Variants in DHRSX observed in about 807,000 individuals in gnomAD.
DHRSX encodes polyprenol dehydrogenase.
DHRSX carries 31 observed loss-of-function variants against 34.0 expected under a neutral mutation model. The observed-to-expected ratio is 0.91, with a 90% CI of 0.69 to 1.23. DHRSX has a LOEUF of 1.23. Ranked by LOEUF, DHRSX falls within the 50% of genes most tolerant of loss-of-function variation. The probability of loss-of-function intolerance (pLI) is 0.00; values close to 1 mark genes in which losing one functional copy is unlikely to be tolerated. For missense variants in DHRSX, 414 were observed against 428.1 expected, an observed-to-expected ratio of 0.97 and a Z score of 0.29; for synonymous variants, 201 against 183.8, an observed-to-expected ratio of 1.09 and a Z score of -0.76.
At chrX:2,350,717 CT>C (rs1181071911) in intron 3 of DHRSX, among the ~76,000 whole-genome samples, 1 of 152,128 alleles carries the variant, frequency 6.6e-6, no homozygotes, top group African/African-American at 2.4e-5. Flanking sequence ...ACATGTAACA[CT>C]TTGTCAAGAG....
intron 3 of DHRSX, among the ~76,000 whole-genome samples, chrX:2,301,239 C>T (rs2042005251): frequency 6.6e-6 from 1 of 152,210 alleles, no homozygotes; most frequent in South Asian, 2.1e-4. Flanking sequence ...ATGGCAAAAC[C>T]CTGTCTCTAC....
chrX:2,226,154 C>T (rs2015655759), intron 6 of DHRSX, among the ~76,000 whole-genome samples: 1 of 152,128 alleles, frequency 6.6e-6, no homozygotes, highest in South Asian at 2.1e-4. Context: ...GAGACCAAGC[C>T]CAGGTGACTT....
chrX:2,466,508 T>C (rs1410980559), intron 1 of DHRSX, among the ~76,000 whole-genome samples: 1 of 152,088 alleles, frequency 6.6e-6, no homozygotes, highest in Non-Finnish European at 1.5e-5. Context: ...GTGGAGGCCA[T>C]TATCCTTAGC....
At chrX:2,426,738 TTTCC>T (rs946373836) in intron 1 of DHRSX, among the ~76,000 whole-genome samples, 45 of 148,110 alleles carry the variant, frequency 3.0e-4, no homozygotes, top group African/African-American at 1.1e-3. Flanking sequence ...TCTCTCACTT[TTTCC>T]TTCCTTCCTT....
At chrX:2,399,093 A>G (rs774703625) in intron 3 of DHRSX, among the ~76,000 whole-genome samples, 2 of 150,670 alleles carry the variant, frequency 1.3e-5, no homozygotes, top group Non-Finnish European at 2.9e-5. Flanking sequence ...TGATCTCGTG[A>G]TCTGCCCGCC....
intron 3 of DHRSX, among the ~76,000 whole-genome samples, chrX:2,336,806 G>A (rs2042572108): frequency 6.6e-6 from 1 of 151,404 alleles, no homozygotes. Context: ...ACTTCCAAGT[G>A]TGTGGTCGTT....
intron 3 of DHRSX, among the ~76,000 whole-genome samples, chrX:2,372,980 G>A (rs6641962): frequency 4.6e-5 from 7 of 152,036 alleles, no homozygotes; most frequent in Non-Finnish European, 2.9e-5. Context: ...TCATTCTCAC[G>A]CTGCTGATAG....
At chrX:2,384,930 TAAAAAAAAAAAG>T (rs2043252356) in intron 3 of DHRSX, among the ~76,000 whole-genome samples, 2 of 139,704 alleles carry the variant, frequency 1.4e-5, no homozygotes, top group Admixed American at 1.4e-4. Context: ...TAAATAAATT[TAAAAAAAAAAAG>T]AAAAAAAAAT....
At chrX:2,251,639 G>A (rs192426400) in intron 5 of DHRSX, among the ~76,000 whole-genome samples, 52 of 152,228 alleles carry the variant, frequency 3.4e-4, no homozygotes, top group African/African-American at 1.2e-3. Context: ...AAAACTGCTG[G>A]AGAGTGTACC....
At chrX:2,319,631 A>C (rs1419209718) in intron 3 of DHRSX, among the ~76,000 whole-genome samples, 1 of 150,738 alleles carries the variant, frequency 6.6e-6, no homozygotes, top group Non-Finnish European at 1.5e-5. Context: ...TCTCTTCCTT[A>C]GCATTTTTTT....
chrX:2,276,512 C>G (rs1218778215), intron 4 of DHRSX, among the ~76,000 whole-genome samples: 2 of 152,088 alleles, frequency 1.3e-5, no homozygotes, highest in Admixed American at 1.3e-4. Context: ...ATTGATCTGC[C>G]AATTCAAAGG....
chrX:2,305,585 C>T, intron 3 of DHRSX, among the ~76,000 whole-genome samples: 1 of 152,122 alleles, frequency 6.6e-6, no homozygotes, highest in South Asian at 2.1e-4. Context: ...GACTTGGAAC[C>T]AACGCAAATG....
intron 3 of DHRSX, among the ~76,000 whole-genome samples, chrX:2,299,915 G>A (rs2041991540): frequency 6.6e-6 from 1 of 151,886 alleles, no homozygotes; most frequent in Non-Finnish European, 1.5e-5. Flanking sequence ...GGGGTTTCCT[G>A]AGGGCAAGTC....
intron 3 of DHRSX, among the ~76,000 whole-genome samples, chrX:2,340,305 G>A (rs1323595576): frequency 7.2e-5 from 11 of 152,014 alleles, no homozygotes; most frequent in South Asian, 6.2e-4. Context: ...AAAACTGCAC[G>A]TCCTGCACAT....
intron 3 of DHRSX, among the ~76,000 whole-genome samples, chrX:2,297,360 C>T (rs1489100224): frequency 6.6e-6 from 1 of 152,084 alleles, no homozygotes; most frequent in Admixed American, 6.6e-5. Flanking sequence ...TGGGCTCAAG[C>T]GATCCGCCCG....
At chrX:2,385,722 A>AT (rs955443695) in intron 3 of DHRSX, among the ~76,000 whole-genome samples, 12 of 150,552 alleles carry the variant, frequency 8.0e-5, no homozygotes, top group South Asian at 6.3e-4. Flanking sequence ...GTCAGGAGTA[A>AT]TTTTTTTTTT....
chrX:2,303,149 T>C (rs2042033313), intron 3 of DHRSX, among the ~76,000 whole-genome samples: 3 of 152,138 alleles, frequency 2.0e-5, no homozygotes, highest in Admixed American at 1.3e-4. Context: ...TTAAAAAAAC[T>C]AGAAGATGCA....
chrX:2,376,948 C>A (rs905450243), intron 3 of DHRSX, among the ~76,000 whole-genome samples: 1 of 151,026 alleles, frequency 6.6e-6, no homozygotes, highest in East Asian at 2.0e-4. Context: ...GAGCCGAGAT[C>A]ACACCACTGC....
At chrX:2,431,979 T>C (rs1174271417) in intron 1 of DHRSX, among the ~76,000 whole-genome samples, 4 of 151,972 alleles carry the variant, frequency 2.6e-5, no homozygotes, top group Non-Finnish European at 4.4e-5. Flanking sequence ...GATCACGAGG[T>C]CAGGAGTTCA....
Sources: allele counts gnomAD v4.1 joint callset (sites outside exome capture counted in the v4.1 genomes callset), GRCh38; gene constraint gnomAD v4.1.1; transcripts MANE v1.5; gene names NCBI Gene and HGNC (gene_info 2026-07-23, HGNC 2026-07-21).